The following STAC variants were observed in gnomAD, a reference collection of about 807,000 sequenced individuals.
The protein encoded by STAC is SH3 and cysteine rich domain.
In STAC, 43 loss-of-function variants were observed where a neutral mutation model predicts 48.8. The ratio of observed to expected loss-of-function variants is 0.88; its 90% confidence interval spans 0.69 to 1.14. The LOEUF is 1.14. Ranked by LOEUF, STAC falls within the 50% of genes most tolerant of loss-of-function variation. The pLI, the probability that STAC is intolerant of heterozygous loss-of-function variation, is 0.00. For synonymous variants in STAC, 193 were observed against 179.5 expected, an observed-to-expected ratio of 1.07 and a Z score of -0.60; for missense variants, 497 against 504.0, an observed-to-expected ratio of 0.99 and a Z score of 0.13.
chr3:36,512,020 G>C (rs1024932508), intron 8 of STAC, among the ~76,000 whole-genome samples: 2 of 152,134 alleles, frequency 1.3e-5, no homozygotes, highest in African/African-American at 4.8e-5. Context: ...GGTCAGCTTT[G>C]TTTCAGAATT....
intron 5 of STAC, among the ~76,000 whole-genome samples, chr3:36,491,082 A>G (rs1697954739): frequency 6.6e-6 from 1 of 152,228 alleles, no homozygotes; most frequent in Non-Finnish European, 1.5e-5. Flanking sequence ...AAATAGAAAC[A>G]TTGATTGGTA....
At chr3:36,494,188 C>T (rs1442077818) in intron 6 of STAC, among the ~76,000 whole-genome samples, 5 of 151,146 alleles carry the variant, frequency 3.3e-5, no homozygotes, top group South Asian at 4.2e-4. Context: ...AGAGCCACCT[C>T]GTAATCCAGA....
At chr3:36,435,901 C>T (rs946450412) in intron 1 of STAC, among the ~76,000 whole-genome samples, 7 of 152,190 alleles carry the variant, frequency 4.6e-5, no homozygotes, top group Admixed American at 1.3e-4. Flanking sequence ...CCAGCCTTTC[C>T]TTCTCAAGTC....
Position 36,546,221 on chromosome 3 carries a change from G to C in STAC, c.1141G>C (p.Gly381Arg), listed in dbSNP as rs1286165214. The C allele has an allele frequency of 4.3e-6, 7 of 1,613,946 alleles. No homozygotes were observed. Among genetic ancestry groups the C allele is most frequent in the Non-Finnish European group, 5.1e-6 (6 of 1,179,916 alleles). The change falls in exon 11 of 11, where the codon GGT (glycine) becomes CGT (arginine). Residue 381 changes from glycine (G) to arginine (R), a missense_variant. Coordinates refer to ENST00000273183, the MANE Select transcript of STAC (RefSeq NM_003149.3). ...CGTGAGTTCTGAAGAAGAACAAGAT[G>C]GTTTTATCAGAGTCCTCAGTGGAAA... is the stretch of plus-strand genomic sequence containing the variant. The part of the protein sequence containing the change: ...ICVSSEEEQD[G>R]FIRVLSGKKK...
At chr3:36,432,351 G>A (rs998385634) in intron 1 of STAC, among the ~76,000 whole-genome samples, 9 of 152,328 alleles carry the variant, frequency 5.9e-5, no homozygotes, top group East Asian at 3.9e-4. Context: ...TCTTCACTGT[G>A]TCTCTTCCTC....
intron 10 of STAC, among the ~76,000 whole-genome samples, chr3:36,544,393 C>T (rs891608292): frequency 3.3e-5 from 5 of 152,158 alleles, no homozygotes; most frequent in African/African-American, 1.2e-4. Flanking sequence ...TGGTCATGAA[C>T]TCCTGACCCC....
At chr3:36,490,365 A>C (rs1473220942) in intron 5 of STAC, among the ~76,000 whole-genome samples, 1 of 152,198 alleles carries the variant, frequency 6.6e-6, no homozygotes, top group African/African-American at 2.4e-5. Flanking sequence ...TTACAAGTCA[A>C]GACTGTTTGT....
intron 8 of STAC, among the ~76,000 whole-genome samples, chr3:36,526,945 A>G (rs916411543): frequency 6.6e-6 from 1 of 152,162 alleles, no homozygotes; most frequent in Non-Finnish European, 1.5e-5. Flanking sequence ...TAGGAGGAGG[A>G]GGCGGCACCA....
chr3:36,441,156 T>C (rs1696336081), intron 1 of STAC, among the ~76,000 whole-genome samples: 1 of 152,218 alleles, frequency 6.6e-6, no homozygotes, highest in African/African-American at 2.4e-5. Flanking sequence ...TTGTTAACTA[T>C]AGTTATCCTA....
chr3:36,454,327 C>A (rs144523603), intron 2 of STAC, among the ~76,000 whole-genome samples: 1 of 151,922 alleles, frequency 6.6e-6, no homozygotes, highest in Admixed American at 6.6e-5. Context: ...CAACTCCAGA[C>A]GCGTCGCCTT....
chr3:36,530,188 T>C (rs1699030072), intron 10 of STAC, among the ~76,000 whole-genome samples: 1 of 152,220 alleles, frequency 6.6e-6, no homozygotes, highest in Non-Finnish European at 1.5e-5. Flanking sequence ...ATTTTCAACT[T>C]TGGAAGTCAA....
At chr3:36,475,995 C>T (rs772716849) in intron 2 of STAC, among the ~76,000 whole-genome samples, 5 of 152,226 alleles carry the variant, frequency 3.3e-5, no homozygotes, top group African/African-American at 9.6e-5. Flanking sequence ...GAAGCCCATA[C>T]ATAAAGACCT....
At chr3:36,470,787 T>C (rs954411856) in intron 2 of STAC, among the ~76,000 whole-genome samples, 1 of 152,218 alleles carries the variant, frequency 6.6e-6, no homozygotes, top group African/African-American at 2.4e-5. Context: ...AATCTCCCAT[T>C]TTAAATGCTA....
At position 36,540,629 on chromosome 3, in the gene STAC, G is replaced by A. The variant is rs117480488; in HGVS notation, c.1111-5562G>A. Among the ~76,000 whole-genome samples the A allele has an allele frequency of 1.7e-3, 255 of 152,300 alleles. 1 individual carries two copies. The East Asian group carries it at 0.032, about 19-fold the overall frequency. ...AAGGGGACCACAAGCCAGAGGATGAGGGTGGCCTCTAGAAGCTGGAAACAG... is the reference window on the plus strand; with the variant it reads ...AAGGGGACCACAAGCCAGAGGATGAAGGTGGCCTCTAGAAGCTGGAAACAG... On this transcript the variant is annotated intron_variant, in intron 10 of 10. Transcript: ENST00000273183.
chr3:36,400,495 A>G (rs1177279657), intron 1 of STAC, among the ~76,000 whole-genome samples: 2 of 152,210 alleles, frequency 1.3e-5, no homozygotes, highest in African/African-American at 4.8e-5. Context: ...TACAAGCAAA[A>G]TCCACAAGAC....
chr3:36,523,090 A>C lies in STAC; in HGVS notation c.921-5606A>C, dbSNP rs1698844847. ...ACAGGACTGCTGAGAATGAACCCAG[A>C]AAGCAACCATTGGTTCTCACGCACA... On this transcript the variant is annotated intron_variant, in intron 8 of 10. Transcript: ENST00000273183. Among the ~76,000 whole-genome samples the C allele has an allele frequency of 2.0e-5, 3 of 152,324 alleles. No homozygotes were observed. In the South Asian group the frequency reaches 6.2e-4, roughly 32 times the overall value.
intron 1 of STAC, among the ~76,000 whole-genome samples, chr3:36,423,822 C>G (rs1056269715): frequency 3.9e-5 from 6 of 152,300 alleles, no homozygotes; most frequent in Non-Finnish European, 8.8e-5. Flanking sequence ...CTTATTAACA[C>G]ATTATCGAGC....
At chr3:36,510,980 TATTTA>T (rs989114614) in intron 8 of STAC, among the ~76,000 whole-genome samples, 2 of 151,250 alleles carry the variant, frequency 1.3e-5, no homozygotes, top group Non-Finnish European at 2.9e-5. Flanking sequence ...TATATATATA[TATTTA>T]ATCTCCAAAT....
intron 10 of STAC, among the ~76,000 whole-genome samples, chr3:36,541,674 G>C (rs529424104): frequency 5.4e-4 from 83 of 152,342 alleles, no homozygotes; most frequent in Admixed American, 1.6e-3. Flanking sequence ...GGAGGAAATT[G>C]AGTAAGGCAT....
Sources: gnomAD v4.1 joint callset for allele counts (sites outside exome capture counted in the v4.1 genomes callset) on GRCh38, gnomAD v4.1.1 for gene constraint, MANE v1.5 for transcripts, NCBI Gene and HGNC (gene_info 2026-07-23, HGNC 2026-07-21) for gene names.